The following PROS1 variants were observed in gnomAD, a reference collection of about 807,000 sequenced individuals.
The protein encoded by PROS1 is vitamin K-dependent protein S.
In PROS1, 29 loss-of-function variants were observed where a neutral mutation model predicts 75.9. The observed-to-expected ratio is 0.38, with a 90% CI of 0.28 to 0.52. The LOEUF (loss-of-function observed/expected upper bound fraction) is 0.52, where lower values mean the gene tolerates loss of function less well. Among genes scored for constraint, PROS1 ranks in the 20% least tolerant of loss-of-function variants. PROS1 has a pLI of 0.83. For missense variants in PROS1, 680 were observed against 810.3 expected (o/e 0.84, Z 1.95); for synonymous variants, 245 against 280.6 (o/e 0.87, Z 1.27).
rs141406191 is a variant in PROS1, at chr3:93,874,927, C to T, written c.1871-522G>A. ...ACAATAGGTCATGATACAGGATTCACTTTCATGTACTATTTAGAGTTCCTA... is the reference window on the plus strand; with the variant it reads ...ACAATAGGTCATGATACAGGATTCATTTTCATGTACTATTTAGAGTTCCTA... On this transcript the variant is annotated intron_variant, in intron 14 of 14. Transcript: ENST00000394236. Among the ~76,000 whole-genome samples, 213 of 152,226 alleles carry T rather than the reference C, an allele frequency of 1.4e-3. 1 individual carries two copies. The East Asian group carries it at 0.028, about 20-fold the overall frequency.
chr3:93,950,030 T>C (rs960170176), intron 1 of PROS1, among the ~76,000 whole-genome samples: 4 of 152,140 alleles, frequency 2.6e-5, no homozygotes, highest in Non-Finnish European at 5.9e-5. Context: ...CACCAGGAGA[T>C]TATATCCCGC....
intron 10 of PROS1, among the ~76,000 whole-genome samples, chr3:93,891,825 CA>C (rs909524170): frequency 2.0e-5 from 3 of 152,004 alleles, no homozygotes; most frequent in African/African-American, 4.8e-5. Context: ...TTTGGGAAGC[CA>C]AAGTGGGAGG....
At position 93,874,380 on chromosome 3, in the gene PROS1, C is replaced by G. The variant is rs1158838382; in HGVS notation, c.1896G>C (p.Val632=). The change falls in exon 15 of 15, where the codon GTG becomes GTC. Residue 632 remains valine, a synonymous_variant. Transcript: ENST00000394236. ...LPDVPFSATP[V]NAFYNGCMEV... ...CCATGCAGCCATTATAAAAGGCATT[C>G]ACTGGTGTGGCACTGAATGGAACAT... 1 of 1,613,284 alleles carries G rather than the reference C, an allele frequency of 6.2e-7. No homozygotes were observed. The highest frequency in any genetic ancestry group is 8.5e-7 in the Non-Finnish European group (1 of 1,179,522).
In PROS1 at chr3:93,939,825, G is replaced by A. The variant is rs556779100; in HGVS notation, c.77-12418C>T. Among the ~76,000 whole-genome samples, 6 of 152,102 alleles carry A rather than the reference G, an allele frequency of 3.9e-5. No individual in the cohort carries two copies. In the East Asian group the frequency reaches 7.7e-4, roughly 20 times the overall value. ...GCATTTTATTACCCAATCCGCTCCC[G>A]ACATTAGAAAAAGCTCCAAAAATTA... On this transcript the variant is annotated intron_variant, in intron 1 of 14. Transcript: ENST00000394236.
intron 1 of PROS1, among the ~76,000 whole-genome samples, chr3:93,962,813 AGTT>A (rs1414542615): frequency 1.3e-5 from 2 of 152,208 alleles, no homozygotes; most frequent in African/African-American, 2.4e-5. Context: ...AAGTGAGAGA[AGTT>A]GTTATGTACC....
chr3:93,944,134 TG>T (rs1274097851), intron 1 of PROS1, among the ~76,000 whole-genome samples: 4 of 152,054 alleles, frequency 2.6e-5, no homozygotes, highest in African/African-American at 9.7e-5. Flanking sequence ...AAATAATAAA[TG>T]TACAGAGAAC....
At chr3:93,912,253 C>T (rs1708768784) in intron 3 of PROS1, among the ~76,000 whole-genome samples, 1 of 152,086 alleles carries the variant, frequency 6.6e-6, no homozygotes, top group South Asian at 2.1e-4. Flanking sequence ...TTTATCATTC[C>T]ATATCTGACT....
chr3:93,963,166 C>T (rs566707275), intron 1 of PROS1, among the ~76,000 whole-genome samples: 5 of 152,264 alleles, frequency 3.3e-5, no homozygotes, highest in South Asian at 4.1e-4. Flanking sequence ...GCAAGCAATT[C>T]GTTTTCTTTT....
intron 1 of PROS1, among the ~76,000 whole-genome samples, chr3:93,961,632 T>C (rs1250841826): frequency 6.6e-6 from 1 of 152,222 alleles, no homozygotes; most frequent in Non-Finnish European, 1.5e-5. Flanking sequence ...AGATAATAAA[T>C]TGTGTTTTCC....
intron 1 of PROS1, chr3:93,928,800 A>G: frequency 1.7e-6 from 2 of 1,181,164 alleles, no homozygotes; most frequent in Non-Finnish European, 2.3e-6. Context: ...TAAACAAACT[A>G]TAAAGAAAAC....
chr3:93,919,806 G>C (rs1427079187), intron 3 of PROS1, among the ~76,000 whole-genome samples: 1 of 152,046 alleles, frequency 6.6e-6, no homozygotes, highest in African/African-American at 2.4e-5. Flanking sequence ...TCTGCTAATA[G>C]CTGGCCATTC....
intron 6 of PROS1, among the ~76,000 whole-genome samples, chr3:93,904,214 A>G (rs1708640192): frequency 6.6e-6 from 1 of 152,036 alleles, no homozygotes; most frequent in Non-Finnish European, 1.5e-5. Flanking sequence ...CCAGTCTATC[A>G]TTGTTGGACA....
intron 1 of PROS1, among the ~76,000 whole-genome samples, chr3:93,973,244 AG>A (rs1294773474): frequency 1.3e-5 from 2 of 152,180 alleles, no homozygotes; most frequent in Admixed American, 1.3e-4. Context: ...AAATTGCAAA[AG>A]GGAGGCAGGT....
chr3:93,917,317 T>C (rs536344138), intron 3 of PROS1, among the ~76,000 whole-genome samples: 2 of 152,386 alleles, frequency 1.3e-5, no homozygotes, highest in South Asian at 4.1e-4. Flanking sequence ...TTTGTTTTTT[T>C]CTTTGAGACA....
intron 2 of PROS1, among the ~76,000 whole-genome samples, chr3:93,925,384 C>T (rs558381678): frequency 2.0e-5 from 3 of 152,110 alleles, no homozygotes; most frequent in South Asian, 2.1e-4. Context: ...ATATTGCGAC[C>T]GTCAAAGGAA....
chr3:93,953,000 A>T (rs1709531764), intron 1 of PROS1, among the ~76,000 whole-genome samples: 2 of 152,218 alleles, frequency 1.3e-5, no homozygotes, highest in South Asian at 4.1e-4. Context: ...ACATTGCTAG[A>T]CACATACACC....
At chr3:93,941,920 A>T (rs1576206631) in intron 1 of PROS1, among the ~76,000 whole-genome samples, 1 of 152,086 alleles carries the variant, frequency 6.6e-6, no homozygotes, top group Non-Finnish European at 1.5e-5. Context: ...TCCTTCAGCT[A>T]TACTCACCCT....
Position 93,946,484 on chromosome 3 carries a change from A to C in PROS1, c.77-19077T>G, listed in dbSNP as rs190158745. On this transcript the variant is annotated intron_variant, in intron 1 of 14. Transcript: ENST00000394236. ...TATAGACCAATGGAACAGAACAGAAACCTTAGAAATAATACCACACATCTA... is the reference window on the plus strand; with the variant it reads ...TATAGACCAATGGAACAGAACAGAACCCTTAGAAATAATACCACACATCTA... Among the ~76,000 whole-genome samples the C allele has an allele frequency of 1.6e-3, 247 of 152,162 alleles. 1 individual carries two copies. Among genetic ancestry groups the C allele is most frequent in the African/African-American group, 4.4e-3 (183 of 41,516 alleles).
At chr3:93,895,623 A>T (rs1195196306) in intron 9 of PROS1, among the ~76,000 whole-genome samples, 2 of 152,188 alleles carry the variant, frequency 1.3e-5, no homozygotes, top group Non-Finnish European at 2.9e-5. Context: ...ATCTGTCTCA[A>T]GTATTTTGCC....
Sources: allele counts gnomAD v4.1 joint callset (sites outside exome capture counted in the v4.1 genomes callset), GRCh38; gene constraint gnomAD v4.1.1; transcripts MANE v1.5; gene names NCBI Gene and HGNC (gene_info 2026-07-23, HGNC 2026-07-21).